The following CPZ variants were observed in gnomAD, a reference collection of about 807,000 sequenced individuals.
CPZ encodes the protein VEZT/CPZ fusion.
Under a neutral mutation model 61.8 loss-of-function variants are expected in CPZ, and 103 were observed. The ratio of observed to expected loss-of-function variants is 1.67; its 90% CI spans 1.42 to 1.96. The LOEUF is 1.96. Among genes scored for constraint, CPZ ranks in the 30% most tolerant of loss-of-function variants. CPZ has a pLI of 0.00. For missense variants in CPZ, 1,461 were observed against 914.9 expected (o/e 1.60, Z -7.70); for synonymous variants, 551 against 373.7 (o/e 1.47, Z -5.47).
Position 8,601,443 on chromosome 4 carries a change from C to A in CPZ, c.442C>A (p.Arg148Ser), listed in dbSNP as rs377251041. ...CTGGCCCTACTTCCTTGACTGCCAC[C>A]GCTACTTCACGAGAGAGGACGAGGG... is the stretch of plus-strand genomic sequence containing the variant. ...MAWPYFLDCHRYFTREDEGCY... is the reference protein window; with the variant it reads ...MAWPYFLDCHSYFTREDEGCY... The change falls in exon 3 of 11, where the codon CGC becomes AGC. Residue 148 changes from arginine (R) to serine (S), a missense_variant. Coordinates refer to ENST00000360986, the MANE Select transcript of CPZ (RefSeq NM_001014447.3). 1 of 1,544,842 alleles carries A rather than the reference C, an allele frequency of 6.5e-7. No individual in the cohort carries two copies. The highest frequency in any genetic ancestry group is 1.4e-5 in the African/African-American group (1 of 73,784).
rs113077500 is a variant in CPZ, at chr4:8,594,873, C to T, written c.88+1952C>T. On this transcript the variant is annotated intron_variant, in intron 1 of 10. Coordinates refer to ENST00000360986, the MANE Select transcript of CPZ (RefSeq NM_001014447.3). ...CTGCGAGCTCCACCTCCCGGGTTCA[C>T]GCCATTCTCCTGGCTCAGCCTCCCG... Among the ~76,000 whole-genome samples, 17 of 152,076 alleles carry T rather than the reference C, an allele frequency of 1.1e-4. 1 individual carries two copies. Among genetic ancestry groups the T allele is most frequent in the African/African-American group, 3.1e-4 (13 of 41,500 alleles).
chr4:8,593,509 C>CG (rs1713953501), intron 1 of CPZ, among the ~76,000 whole-genome samples: 1 of 152,100 alleles, frequency 6.6e-6, no homozygotes, highest in Non-Finnish European at 1.5e-5. Context: ...GGGTGTGCAG[C>CG]GGGGGTGGGG....
intron 9 of CPZ, 97 bp downstream of exon 9, chr4:8,614,595 C>G (rs778299363): frequency 1.3e-5 from 17 of 1,288,224 alleles, no homozygotes; most frequent in Non-Finnish European, 1.8e-5. Flanking sequence ...CCTCACTGCC[C>G]CATACACACA....
rs1716478750 is a variant in CPZ, at chr4:8,619,315, GCCCAAGC to G, written c.1661_1667del (p.Gln554LeufsTer16). On this transcript the variant is annotated frameshift_variant, in exon 11 of 11. Coordinates refer to ENST00000360986, the MANE Select transcript of CPZ (RefSeq NM_001014447.3). LOFTEE classifies it low-confidence loss of function (END_TRUNC). ...GCCCCCAGGTATCCACATTGTCATTGCCCAAGCCCCTGGCTACGCCAAAGTCATCAAG... is the reference window on the plus strand; with the variant it reads ...GCCCCCAGGTATCCACATTGTCATTGCCCTGGCTACGCCAAAGTCATCAAG... 1 of 1,613,984 alleles carries G rather than the reference GCCCAAGC, an allele frequency of 6.2e-7. No homozygotes were observed. The highest frequency in any genetic ancestry group is 1.7e-5 in the Admixed American group (1 of 60,000).
intron 7 of CPZ, among the ~76,000 whole-genome samples, chr4:8,608,670 G>C (rs529403139): frequency 4.6e-5 from 7 of 150,852 alleles, no homozygotes; most frequent in Admixed American, 4.6e-4. Context: ...ATGTGCACAC[G>C]TGCATATGTT....
At chr4:8,609,241 T>TTCACTCA (rs886396692) in intron 7 of CPZ, among the ~76,000 whole-genome samples, 1 of 48,014 alleles carries the variant, frequency 2.1e-5, no homozygotes, top group African/African-American at 1.3e-4. Flanking sequence ...TTGTCACTCA[T>TTCACTCA]TCACTCATCA....
chr4:8,595,152 ACT>A (rs757339233), intron 1 of CPZ, among the ~76,000 whole-genome samples: 1 of 152,188 alleles, frequency 6.6e-6, no homozygotes, highest in Non-Finnish European at 1.5e-5. Context: ...AATGAAACAC[ACT>A]GTTTTTAGTA....
At chr4:8,603,736 G>C in intron 3 of CPZ, 1 of 571,406 alleles carries the variant, frequency 1.8e-6, no homozygotes, top group Non-Finnish European at 3.1e-6. Flanking sequence ...TGGCCCCATA[G>C]TATGTTTACT....
In CPZ at chr4:8,612,023, C is replaced by T; in HGVS notation, c.1228-4C>T. 4 of 1,613,966 alleles carry T rather than the reference C, an allele frequency of 2.5e-6. No individual in the cohort carries two copies. Among genetic ancestry groups the T allele is most frequent in the Non-Finnish European group, 3.4e-6 (4 of 1,180,010 alleles). On this transcript the variant is annotated splice_region_variant and splice_polypyrimidine_tract_variant and intron_variant, in intron 7 of 10. Coordinates refer to ENST00000360986, the MANE Select transcript of CPZ (RefSeq NM_001014447.3). ...TCCTTATCTGAGCCAGGTTTCTTTT[C>T]CAGATGTTCAAGCTGCTGTCCAGAG...
At chr4:8,614,218 C>G in intron 8 of CPZ, 141 bp from the exon 9 acceptor site, 1 of 1,185,482 alleles carries the variant, frequency 8.4e-7, no homozygotes, top group Non-Finnish European at 1.2e-6. Context: ...GGGCACTTGG[C>G]TGACACCCCG....
chr4:8,598,123 G>C (rs1010374427), intron 1 of CPZ, among the ~76,000 whole-genome samples: 7 of 152,244 alleles, frequency 4.6e-5, no homozygotes, highest in African/African-American at 1.7e-4. Flanking sequence ...TTTGTCATCT[G>C]TGATGAGGAT....
chr4:8,614,372 C>T lies in CPZ; in HGVS notation c.1377C>T (p.Phe459=), dbSNP rs1385929040. 1 of 1,613,606 alleles carries T rather than the reference C, an allele frequency of 6.2e-7. No homozygotes were observed. The highest frequency in any genetic ancestry group is 8.5e-7 in the Non-Finnish European group (1 of 1,179,760). Residue 459 remains phenylalanine, a synonymous_variant, in exon 9 of 11, where the codon TTC becomes TTT. Transcript: ENST00000360986. ...TCTGTGCCACAGGCATGTCCGATTT[C>T]AACTACCTGCACACCAACTGCTTTG... The part of the protein sequence containing the change: ...WYSFTGGMSD[F]NYLHTNCFEI...
chr4:8,614,459 G>C lies in CPZ; in HGVS notation c.1464G>C (p.Trp488Cys). 1.2e-6 allele frequency: 2 copies of C among 1,613,982 alleles called. No homozygotes were observed. Among genetic ancestry groups the C allele is most frequent in the African/African-American group, 2.7e-5 (2 of 75,046 alleles). The change falls in exon 9 of 11, where the codon TGG (tryptophan) becomes TGC (cysteine). Residue 488 changes from tryptophan to cysteine, a missense_variant. By Grantham distance (215) the Trp-to-Cys change is radical (BLOSUM62 -2). Transcript: ENST00000360986. ...CCGAGGAGGCCCTGTACATACTCTG[G>C]CAGCACAACAAGGAGTCACTCCTGA... is the stretch of plus-strand genomic sequence containing the variant. Reference protein sequence around the residue: ...FPPEEALYILWQHNKESLLNF... With the variant: ...FPPEEALYILCQHNKESLLNF...
At position 8,607,532 on chromosome 4, in the gene CPZ, A is replaced by G. The variant is rs988874808; in HGVS notation, c.1227+107A>G. 3.7e-6 allele frequency: 5 copies of G among 1,333,506 alleles called. No homozygotes were observed. In the South Asian group the frequency reaches 5.7e-5, roughly 15 times the overall value. 82.6% of individuals were successfully genotyped at this position (1,333,506 alleles called of 1,614,324 possible). A position where few individuals can be genotyped will look rare whatever the true frequency, so the allele number is the denominator to read the frequency against. Reference sequence around the variant, plus strand: ...CTCAGTGAAGGCAAAGCTCCTAGGAACCTCTACTCAGAGCGGGTCAGCACC... The same window carrying G: ...CTCAGTGAAGGCAAAGCTCCTAGGAGCCTCTACTCAGAGCGGGTCAGCACC... On this transcript the variant is annotated intron_variant, in intron 7 of 10. Transcript: ENST00000360986.
At chr4:8,604,260 C>A in intron 4 of CPZ, 72 bp downstream of exon 4, 2 of 1,401,388 alleles carry the variant, frequency 1.4e-6, no homozygotes, top group Non-Finnish European at 9.5e-7. Context: ...CCTTCGGGTG[C>A]ACAAGTTGGT....
chr4:8,595,437 C>T (rs1714107970), intron 1 of CPZ, among the ~76,000 whole-genome samples: 1 of 152,230 alleles, frequency 6.6e-6, no homozygotes, highest in African/African-American at 2.4e-5. Flanking sequence ...TCTGTGGCTG[C>T]CAGGGCAGGT....
intron 7 of CPZ, among the ~76,000 whole-genome samples, chr4:8,608,488 T>A (rs929068269): frequency 1.3e-5 from 2 of 152,152 alleles, no homozygotes; most frequent in African/African-American, 4.8e-5. Context: ...GTATCAGCCC[T>A]GCCTCACCTG....
At chr4:8,593,612 C>T (rs778990805) in intron 1 of CPZ, among the ~76,000 whole-genome samples, 1 of 152,294 alleles carries the variant, frequency 6.6e-6, no homozygotes, top group South Asian at 2.1e-4. Context: ...CAACCGTGCT[C>T]AGGACTCTCA....
At chr4:8,603,659 G>C in intron 3 of CPZ, 1 of 422,768 alleles carries the variant, frequency 2.4e-6, no homozygotes, top group South Asian at 3.0e-5. Context: ...GCCTTGGGGG[G>C]TCCAGGACCC....
Sources: gnomAD v4.1 joint callset for allele counts (sites outside exome capture counted in the v4.1 genomes callset) on GRCh38, gnomAD v4.1.1 for gene constraint, MANE v1.5 for transcripts, NCBI Gene and HGNC (gene_info 2026-07-23, HGNC 2026-07-21) for gene names.